Variants in BRF1 observed in about 807,000 individuals in gnomAD.
BRF1 encodes the protein BRF1 general transcription factor IIIB subunit.
BRF1 carries 59 observed loss-of-function variants against 81.7 expected under a neutral mutation model. The observed-to-expected ratio is 0.72, with a 90% CI of 0.59 to 0.90. The LOEUF (loss-of-function observed/expected upper bound fraction) is 0.90. Among genes scored for constraint, BRF1 ranks in the 40% least tolerant of loss-of-function variants. BRF1 has a pLI of 0.00. For missense variants in BRF1, 1,050 were observed against 936.3 expected (o/e 1.12, Z -1.58); for synonymous variants, 491 against 395.6 (o/e 1.24, Z -2.86).
intron 12 of BRF1, 85 bp downstream of exon 12, chr14:105,219,984 C>T: frequency 6.5e-7 from 1 of 1,543,148 alleles, no homozygotes; most frequent in Non-Finnish European, 8.8e-7. Flanking sequence ...GGGAGGTGGC[C>T]AACCCCGCCC....
chr14:105,248,589 G>T, intron 5 of BRF1: 2 of 251,518 alleles, frequency 8.0e-6, no homozygotes, highest in Non-Finnish European at 1.2e-5. Flanking sequence ...GGGCGGGCGG[G>T]ACGGCGCCCC....
At chr14:105,217,931 C>A in intron 14 of BRF1, 131 bp from the exon 15 acceptor site, 1 of 1,392,694 alleles carries the variant, frequency 7.2e-7, no homozygotes. Context: ...CCGCTCCTGC[C>A]TCCTCCCCCC....
In BRF1 at chr14:105,241,258, G is replaced by A. The variant is rs200577191; in HGVS notation, c.694+7C>T. 2.9e-5 allele frequency: 47 copies of A among 1,610,236 alleles called. No individual in the cohort carries two copies. The African/African-American group carries it at 3.3e-4, about 11-fold the overall frequency. Reference sequence around the variant, plus strand: ...AGCATCCCCCAGGCAGGCAGGGCCCGCTGTACCTGCTCCGCAGAGGCCCGA... The same window carrying A: ...AGCATCCCCCAGGCAGGCAGGGCCCACTGTACCTGCTCCGCAGAGGCCCGA... On this transcript the variant is annotated splice_region_variant and intron_variant, in intron 6 of 17. Coordinates refer to ENST00000547530, the MANE Select transcript of BRF1 (RefSeq NM_001519.4).
At chr14:105,280,314 C>T (rs372499884) in intron 2 of BRF1, among the ~76,000 whole-genome samples, 2 of 152,246 alleles carry the variant, frequency 1.3e-5, no homozygotes. Context: ...GCAACTCCAG[C>T]TCTACGACCA....
intron 1 of BRF1, among the ~76,000 whole-genome samples, chr14:105,307,824 G>C (rs1196868405): frequency 6.6e-6 from 1 of 152,230 alleles, no homozygotes; most frequent in African/African-American, 2.4e-5. Flanking sequence ...GCAAGTCCCT[G>C]TTCCTGTCTG....
At chr14:105,275,940 A>G (rs1390469005) in intron 2 of BRF1, among the ~76,000 whole-genome samples, 1 of 150,144 alleles carries the variant, frequency 6.7e-6, no homozygotes, top group Non-Finnish European at 1.5e-5. Context: ...CTCACTAGAG[A>G]GCTGGGGAGG....
chr14:105,219,535 A>C, intron 12 of BRF1: 1 of 523,774 alleles, frequency 1.9e-6, no homozygotes, highest in Non-Finnish European at 3.4e-6. Context: ...GGTTCCCACA[A>C]AGGGGCCAAG....
rs2816604 is a variant in BRF1, at chr14:105,248,990, A to T, written c.544+3517T>A. The T allele has an allele frequency of 3.0e-6, 3 of 994,034 alleles. No individual in the cohort carries two copies. In the South Asian group the frequency reaches 1.4e-4, roughly 45 times the overall value. 61.6% of individuals were successfully genotyped at this position (994,034 alleles called of 1,614,324 possible). Reference sequence around the variant, plus strand: ...GCAGCCCGCCCAGCGCCCCCGCGCCAGCGCCGCCGCCGCCCGCGCCCGCGC... The same window carrying T: ...GCAGCCCGCCCAGCGCCCCCGCGCCTGCGCCGCCGCCGCCCGCGCCCGCGC... On this transcript the variant is annotated intron_variant, in intron 5 of 17. Transcript: ENST00000547530.
At chr14:105,218,083 GC>G (rs1891626273) in intron 14 of BRF1, among the ~76,000 whole-genome samples, 1 of 152,208 alleles carries the variant, frequency 6.6e-6, no homozygotes, top group Non-Finnish European at 1.5e-5. Context: ...GGTGCTCAGG[GC>G]CCTGCTGCCC....
chr14:105,269,160 G>A lies in BRF1; in HGVS notation c.439+3561C>T, dbSNP rs761535812. ...GCAGGCCTAGGGCACGGTGCTGCCC[G>A]CAACCTGAAGGGAGGGCAGAGCGGG... is the stretch of plus-strand genomic sequence containing the variant. On this transcript the variant is annotated intron_variant, in intron 3 of 17. Coordinates refer to ENST00000547530, the MANE Select transcript of BRF1 (RefSeq NM_001519.4). The surrounding 1 kb of genome is among the most constrained non-coding windows in gnomAD (Gnocchi z 5.0). Among the ~76,000 whole-genome samples, 3 of 152,112 alleles carry A rather than the reference G, an allele frequency of 2.0e-5. No individual in the cohort carries two copies. The highest frequency in any genetic ancestry group is 2.9e-5 in the Non-Finnish European group (2 of 67,992).
chr14:105,256,339 G>A, intron 4 of BRF1, 179 bp downstream of exon 4: 2 of 1,553,814 alleles, frequency 1.3e-6, no homozygotes, highest in Non-Finnish European at 8.7e-7. Flanking sequence ...CTCGGACTGT[G>A]ACCCCCATGT....
chr14:105,288,343 T>C (rs1394686916), intron 1 of BRF1, among the ~76,000 whole-genome samples: 1 of 151,766 alleles, frequency 6.6e-6, no homozygotes, highest in Non-Finnish European at 1.5e-5. Context: ...TCCCAGCTAC[T>C]CAGGAGGCTG....
At chr14:105,310,396 G>A (rs1451072223) in intron 1 of BRF1, among the ~76,000 whole-genome samples, 2 of 151,852 alleles carry the variant, frequency 1.3e-5, no homozygotes, top group African/African-American at 4.8e-5. Flanking sequence ...CAGGCGTGGT[G>A]GCAGGCGCCT....
At chr14:105,274,459 G>T (rs903056532) in intron 2 of BRF1, among the ~76,000 whole-genome samples, 1 of 152,134 alleles carries the variant, frequency 6.6e-6, no homozygotes, top group Non-Finnish European at 1.5e-5. Flanking sequence ...GTGTGGAGGG[G>T]CAGGCCACCC....
intron 5 of BRF1, chr14:105,250,962 TG>T (rs1343931962): frequency 1.0e-5 from 4 of 398,566 alleles, no homozygotes; most frequent in South Asian, 4.8e-5. Context: ...TTTGAGGGGT[TG>T]GATCTTCCTG....
intron 5 of BRF1, chr14:105,247,148 C>G: frequency 2.0e-6 from 2 of 985,506 alleles, no homozygotes; most frequent in Middle Eastern, 5.2e-4. Context: ...TGGGGTCCCA[C>G]ACTATGAAAT....
In BRF1 at chr14:105,226,295, A is replaced by C. The variant is rs1893074438; in HGVS notation, c.916-5T>G. The C allele has an allele frequency of 6.2e-7, 1 of 1,613,922 alleles. No homozygotes were observed. The highest frequency in any genetic ancestry group is 1.7e-5 in the Admixed American group (1 of 60,008). ...TTTTGACAGGACTTGTTCAAGCTGAAAGGGAACAGGGCAAGAGGCTTCGTG... is the reference window on the plus strand; with the variant it reads ...TTTTGACAGGACTTGTTCAAGCTGACAGGGAACAGGGCAAGAGGCTTCGTG... On this transcript the variant is annotated splice_polypyrimidine_tract_variant and splice_region_variant and intron_variant, in intron 8 of 17. Coordinates refer to ENST00000547530, the MANE Select transcript of BRF1 (RefSeq NM_001519.4).
intron 1 of BRF1, among the ~76,000 whole-genome samples, chr14:105,297,814 G>A (rs2057803509): frequency 6.6e-6 from 1 of 151,956 alleles, no homozygotes; most frequent in South Asian, 2.1e-4. Context: ...GGCTAACACG[G>A]TGAAACCCCG....
At chr14:105,229,715 C>G (rs1420027078) in intron 6 of BRF1, among the ~76,000 whole-genome samples, 2 of 105,624 alleles carry the variant, frequency 1.9e-5, no homozygotes, top group African/African-American at 7.5e-5. Context: ...AGAGGCCACA[C>G]CACTGTCCGC....
Sources: allele counts gnomAD v4.1 joint callset (sites outside exome capture counted in the v4.1 genomes callset), GRCh38; gene constraint gnomAD v4.1.1; non-coding constraint Gnocchi (gnomAD v3.1); transcripts MANE v1.5; gene names NCBI Gene and HGNC (gene_info 2026-07-23, HGNC 2026-07-21).